The following MYLK variants were observed in gnomAD, a reference collection of about 807,000 sequenced individuals.
MYLK encodes the protein myosin light chain kinase, smooth muscle.
A neutral mutation model predicts 203.4 loss-of-function variants in MYLK; 106 were observed. That is an observed-to-expected ratio of 0.52 (90% CI 0.45 to 0.61). The LOEUF (loss-of-function observed/expected upper bound fraction) is 0.61. MYLK is among the 20% of genes least tolerant of loss of function. The pLI is 0.00. For synonymous variants in MYLK, 867 were observed against 959.5 expected, an observed-to-expected ratio of 0.90 and a Z score of 1.78; for missense variants, 2,072 against 2,442.3, an observed-to-expected ratio of 0.85 and a Z score of 3.20.
At chr3:123,864,645 G>A (rs543870493) in intron 2 of MYLK, among the ~76,000 whole-genome samples, 1 of 152,292 alleles carries the variant, frequency 6.6e-6, no homozygotes, top group East Asian at 1.9e-4. Flanking sequence ...TACAAAGTAA[G>A]AGTGTTCCTG....
At chr3:123,716,463 T>C (rs1276394273) in intron 13 of MYLK, 1 of 152,000 alleles carries the variant, frequency 6.6e-6, no homozygotes, top group Non-Finnish European at 1.5e-5. Flanking sequence ...GGAAGAGAAG[T>C]GTGCGAGGAA....
chr3:123,626,990 A>C, intron 30 of MYLK, 49 bp from the exon 31 acceptor site: 1 of 1,612,082 alleles, frequency 6.2e-7, no homozygotes, highest in East Asian at 2.2e-5. Context: ...GAGACCTCAG[A>C]GACCACTGGT....
chr3:123,717,489 A>G (rs1233381857), intron 13 of MYLK, among the ~76,000 whole-genome samples: 1 of 152,236 alleles, frequency 6.6e-6, no homozygotes, highest in African/African-American at 2.4e-5. Flanking sequence ...CTAGGCCTTC[A>G]GTTAAATAAA....
chr3:123,846,377 T>C (rs2029997202), intron 2 of MYLK, among the ~76,000 whole-genome samples: 1 of 152,230 alleles, frequency 6.6e-6, no homozygotes, highest in Admixed American at 6.5e-5. Context: ...GTAACTTGCT[T>C]CTTTCATTCA....
chr3:123,713,422 C>T (rs1037621455), intron 13 of MYLK, among the ~76,000 whole-genome samples: 16 of 152,106 alleles, frequency 1.1e-4, no homozygotes, highest in Admixed American at 7.2e-4. Context: ...CGGGATGTTA[C>T]GTAGGCGTCC....
At chr3:123,837,129 G>A (rs1464278205) in intron 2 of MYLK, among the ~76,000 whole-genome samples, 1 of 152,130 alleles carries the variant, frequency 6.6e-6, no homozygotes, top group Admixed American at 6.6e-5. Flanking sequence ...CACCTCCTGG[G>A]TTCAAGCAAT....
chr3:123,736,165 G>A (rs1300854031), intron 8 of MYLK, among the ~76,000 whole-genome samples: 1 of 152,164 alleles, frequency 6.6e-6, no homozygotes, highest in African/African-American at 2.4e-5. Flanking sequence ...TTTTAGTGAT[G>A]TCAAGTGAAA....
intron 13 of MYLK, among the ~76,000 whole-genome samples, chr3:123,717,100 T>C (rs1288183774): frequency 1.3e-5 from 2 of 152,254 alleles, no homozygotes; most frequent in African/African-American, 4.8e-5. Context: ...TTCTTCAATA[T>C]ATTTTTCTGT....
chr3:123,699,446 G>A (rs887695463), intron 18 of MYLK, among the ~76,000 whole-genome samples: 2 of 152,142 alleles, frequency 1.3e-5, no homozygotes, highest in African/African-American at 4.8e-5. Flanking sequence ...GGGCTGTTTT[G>A]GGATTTTGGG....
intron 16 of MYLK, among the ~76,000 whole-genome samples, chr3:123,703,915 C>T (rs1377735286): frequency 2.0e-5 from 3 of 152,214 alleles, no homozygotes; most frequent in Non-Finnish European, 2.9e-5. Context: ...GCCCAGATGG[C>T]GGCTTTACCC....
intron 3 of MYLK, among the ~76,000 whole-genome samples, chr3:123,819,593 G>A (rs2065854110): frequency 6.6e-6 from 1 of 152,142 alleles, no homozygotes; most frequent in Non-Finnish European, 1.5e-5. Context: ...AGAAAAGATA[G>A]TGGCAAAATA....
At chr3:123,631,065 T>C (rs563552864) in intron 29 of MYLK, among the ~76,000 whole-genome samples, 263 of 152,284 alleles carry the variant, frequency 1.7e-3, no homozygotes, top group African/African-American at 6.1e-3. Flanking sequence ...TTGCAAATTG[T>C]GTAGCTGTTC....
chr3:123,649,103 G>A, intron 25 of MYLK, 39 bp from the exon 26 acceptor site: 1 of 1,613,826 alleles, frequency 6.2e-7, no homozygotes, highest in East Asian at 2.2e-5. Context: ...AGTCTCAGAT[G>A]CCCCCACTCA....
intron 1 of MYLK, among the ~76,000 whole-genome samples, chr3:123,881,869 C>T (rs1029834841): frequency 1.3e-5 from 2 of 152,142 alleles, no homozygotes; most frequent in East Asian, 1.9e-4. Flanking sequence ...AAGGCCTCTC[C>T]CCTCTGCACC....
intron 2 of MYLK, among the ~76,000 whole-genome samples, chr3:123,838,986 T>C (rs968562923): frequency 1.3e-5 from 2 of 152,078 alleles, no homozygotes; most frequent in African/African-American, 4.8e-5. Context: ...TCCCAGCTAC[T>C]TGGGAGGCTG....
intron 2 of MYLK, among the ~76,000 whole-genome samples, chr3:123,856,895 C>A (rs1447577809): frequency 6.6e-6 from 1 of 151,980 alleles, no homozygotes; most frequent in Non-Finnish European, 1.5e-5. Context: ...GCAACCTACT[C>A]ATCTGACAAA....
chr3:123,709,881 C>G lies in MYLK; in HGVS notation c.1817G>C (p.Ser606Thr). The G allele has an allele frequency of 2.5e-6, 4 of 1,614,120 alleles. No individual in the cohort carries two copies. The highest frequency in any genetic ancestry group is 3.4e-6 in the Non-Finnish European group (4 of 1,180,026). The change falls in exon 14 of 34, where the codon AGC becomes ACC. Residue 606 changes from serine (S) to threonine (T), a missense_variant. By Grantham distance (58) the Ser-to-Thr change is moderately conservative. Transcript: ENST00000360304. Reference protein sequence around the residue: ...AWVTVHEKKSSRKSEYLLPVA... With the variant: ...AWVTVHEKKSTRKSEYLLPVA... ...AGGCAGAAGGTACTCACTCTTCCTGCTACTCTTCTTTTCTGTGTGGTAGAA... is the reference window on the plus strand; with the variant it reads ...AGGCAGAAGGTACTCACTCTTCCTGGTACTCTTCTTTTCTGTGTGGTAGAA...
At chr3:123,659,581 C>T (rs1345171569) in intron 23 of MYLK, 14 of 426,360 alleles carry the variant, frequency 3.3e-5, no homozygotes, top group South Asian at 1.7e-5. Context: ...TGGAGGCCTC[C>T]CACTCCTCCA....
intron 1 of MYLK, among the ~76,000 whole-genome samples, chr3:123,878,777 C>T (rs1432438810): frequency 6.6e-6 from 1 of 152,064 alleles, no homozygotes; most frequent in Non-Finnish European, 1.5e-5. Context: ...AACCTCTGCT[C>T]CTGGGTTCAA....
Sources: allele counts gnomAD v4.1 joint callset (sites outside exome capture counted in the v4.1 genomes callset), GRCh38; gene constraint gnomAD v4.1.1; transcripts MANE v1.5; gene names NCBI Gene and HGNC (gene_info 2026-07-23, HGNC 2026-07-21).